PCSK5: variants seen among roughly 807,000 people sequenced by gnomAD.
The protein encoded by PCSK5 is proprotein convertase subtilisin/kexin type 5.
In PCSK5, 129 loss-of-function variants were observed where a neutral mutation model predicts 233.2. The observed-to-expected ratio is 0.55, with a 90% CI of 0.48 to 0.64. The LOEUF (loss-of-function observed/expected upper bound fraction) is 0.64. Among genes scored for constraint, PCSK5 ranks in the 30% least tolerant of loss-of-function variants. The pLI, the probability that PCSK5 is intolerant of heterozygous loss-of-function variation, is 0.00. For synonymous variants in PCSK5, 825 were observed against 879.2 expected (o/e 0.94, Z 1.09); for missense variants, 2,076 against 2,430.1 (o/e 0.85, Z 3.06).
intron 31 of PCSK5, 131 bp downstream of exon 31, chr9:76,321,770 G>T (rs1327549226): frequency 3.3e-6 from 2 of 614,766 alleles, no homozygotes; most frequent in Admixed American, 2.9e-5. Flanking sequence ...ATGTCTCTGT[G>T]CCTGTCATCA....
intron 25 of PCSK5, among the ~76,000 whole-genome samples, chr9:76,293,174 T>G (rs948924533): frequency 1.3e-5 from 2 of 151,422 alleles, no homozygotes; most frequent in African/African-American, 4.9e-5. Context: ...ATCCATAGAA[T>G]TGGACAAAGC....
intron 20 of PCSK5, among the ~76,000 whole-genome samples, chr9:76,226,365 T>TG (rs1825891832): frequency 6.6e-6 from 1 of 152,204 alleles, no homozygotes; most frequent in Non-Finnish European, 1.5e-5. Context: ...AGTAAAGCGA[T>TG]GGGGGAAAGA....
chr9:76,351,462 A>G (rs1426498449), intron 36 of PCSK5, among the ~76,000 whole-genome samples: 1 of 46,850 alleles, frequency 2.1e-5, no homozygotes, highest in African/African-American at 7.1e-5. Flanking sequence ...GAAAGAAAGA[A>G]AGAAAGAAAG....
chr9:76,158,832 G>A, intron 11 of PCSK5, 151 bp from the exon 12 acceptor site: 2 of 647,342 alleles, frequency 3.1e-6, no homozygotes, highest in Non-Finnish European at 5.4e-6. Context: ...AATCCTTTCA[G>A]TGACCCAGTT....
chr9:76,201,424 A>C (rs1049975448), intron 20 of PCSK5, among the ~76,000 whole-genome samples: 1 of 152,222 alleles, frequency 6.6e-6, no homozygotes, highest in Non-Finnish European at 1.5e-5. Flanking sequence ...GTAAATGCCT[A>C]AGGTACTCCA....
At chr9:76,039,849 C>T (rs1829017432) in intron 5 of PCSK5, among the ~76,000 whole-genome samples, 1 of 152,100 alleles carries the variant, frequency 6.6e-6, no homozygotes, top group Non-Finnish European at 1.5e-5. Flanking sequence ...TCAGTAAAGA[C>T]TAAATAGAGT....
intron 30 of PCSK5, among the ~76,000 whole-genome samples, chr9:76,318,041 T>C (rs1457781857): frequency 6.6e-6 from 1 of 152,152 alleles, no homozygotes; most frequent in African/African-American, 2.4e-5. Context: ...TTGGAATAGG[T>C]ACCTATGACA....
chr9:76,045,737 T>C (rs566344619), intron 5 of PCSK5, among the ~76,000 whole-genome samples: 1 of 152,330 alleles, frequency 6.6e-6, no homozygotes, highest in African/African-American at 2.4e-5. Context: ...TGACTTGTTA[T>C]GGTCTTCCTG....
At chr9:76,119,041 T>C (rs576812181) in intron 9 of PCSK5, among the ~76,000 whole-genome samples, 1 of 152,192 alleles carries the variant, frequency 6.6e-6, no homozygotes, top group South Asian at 2.1e-4. Context: ...CAAGATTAGA[T>C]TAAAGAAGGT....
intron 24 of PCSK5, among the ~76,000 whole-genome samples, chr9:76,244,776 T>C (rs546069805): frequency 2.9e-4 from 44 of 152,182 alleles, no homozygotes; most frequent in Non-Finnish European, 5.6e-4. Flanking sequence ...GATTGTTTCG[T>C]CTGGAAGAAA....
intron 3 of PCSK5, among the ~76,000 whole-genome samples, chr9:76,015,616 T>C (rs1258098): frequency 0.33 from 50,013 of 151,900 alleles, 8,724 homozygotes; most frequent in East Asian, 0.62. Flanking sequence ...AAACACTGGG[T>C]TTTCATTGAA....
intron 7 of PCSK5, among the ~76,000 whole-genome samples, chr9:76,084,304 ATTG>A (rs1252777294): frequency 3.3e-5 from 5 of 152,220 alleles, no homozygotes; most frequent in Admixed American, 6.5e-5. Flanking sequence ...ATTAATGTGA[ATTG>A]TTGTGCATTT....
intron 3 of PCSK5, among the ~76,000 whole-genome samples, chr9:76,014,432 C>G (rs939848123): frequency 6.6e-6 from 1 of 152,164 alleles, no homozygotes; most frequent in Non-Finnish European, 1.5e-5. Flanking sequence ...GATTCATAGC[C>G]AGGAAGAAAG....
At chr9:76,339,767 A>C (rs182153311) in intron 35 of PCSK5, among the ~76,000 whole-genome samples, 34 of 151,854 alleles carry the variant, frequency 2.2e-4, no homozygotes, top group Non-Finnish European at 4.7e-4. Flanking sequence ...CTGGTCTCGA[A>C]CTCCTGACCT....
intron 12 of PCSK5, among the ~76,000 whole-genome samples, chr9:76,160,707 G>A (rs1354845824): frequency 6.6e-6 from 1 of 152,092 alleles, no homozygotes; most frequent in Non-Finnish European, 1.5e-5. Context: ...ATAGGACAGT[G>A]AGAAAAGGAG....
intron 2 of PCSK5, among the ~76,000 whole-genome samples, chr9:75,953,654 G>T (rs1275565080): frequency 6.6e-6 from 1 of 151,994 alleles, no homozygotes; most frequent in Non-Finnish European, 1.5e-5. Flanking sequence ...GTCTGTGTGT[G>T]TGTGTGTGTG....
intron 1 of PCSK5, among the ~76,000 whole-genome samples, chr9:75,921,653 C>T (rs1823265772): frequency 6.6e-6 from 1 of 152,024 alleles, no homozygotes. Context: ...ACAATAATCT[C>T]TGTAAGTCTC....
rs1485002481 is a variant in PCSK5, at chr9:76,360,167, GA to G, written c.*1248del. ...AGGCAGTACTAGAAATGGAGCACCA[GA>G]AAGCAAAAATGACATTTTCAGAGAA... On this transcript the variant is annotated 3_prime_UTR_variant, in exon 38 of 38. Coordinates refer to ENST00000674117, the MANE Select transcript of PCSK5 (RefSeq NM_001372043.1). 2 of 152,134 alleles carry G rather than the reference GA, an allele frequency of 1.3e-5. No individual in the cohort carries two copies. Among genetic ancestry groups the G allele is most frequent in the African/African-American group, 4.8e-5 (2 of 41,432 alleles). 9.4% of individuals were successfully genotyped at this position (152,134 alleles called of 1,614,324 possible).
chr9:75,985,575 A>C (rs1259171084), intron 2 of PCSK5, among the ~76,000 whole-genome samples: 1 of 152,194 alleles, frequency 6.6e-6, no homozygotes, highest in Admixed American at 6.5e-5. Context: ...ACTCTAAGTC[A>C]GTAAGTCAGG....
Sources: allele counts gnomAD v4.1 joint callset (sites outside exome capture counted in the v4.1 genomes callset), GRCh38; gene constraint gnomAD v4.1.1; transcripts MANE v1.5; gene names NCBI Gene and HGNC (gene_info 2026-07-23, HGNC 2026-07-21).